ZNF626: variants seen among roughly 807,000 people sequenced by gnomAD.
ZNF626 encodes the protein CTC-513N18.7.
ZNF626 carries 4 observed loss-of-function variants against 11.7 expected under a neutral mutation model. The ratio of observed to expected loss-of-function variants is 0.34; its 90% CI spans 0.17 to 0.78. The LOEUF (loss-of-function observed/expected upper bound fraction) is 0.78. Among genes scored for constraint, ZNF626 ranks in the 30% least tolerant of loss-of-function variants. The pLI, the probability that ZNF626 is intolerant of heterozygous loss-of-function variation, is 0.57. For synonymous variants in ZNF626, 179 were observed against 198.6 expected (o/e 0.90, Z 0.83); for missense variants, 588 against 587.1 (o/e 1.00, Z -0.01).
intron 1 of ZNF626, among the ~76,000 whole-genome samples, chr19:20,654,204 GC>G (rs1599487537): frequency 6.6e-6 from 1 of 152,156 alleles, no homozygotes; most frequent in African/African-American, 2.4e-5. Context: ...ACTTTGGGAG[GC>G]CGAGGCAGGT....
At chr19:20,655,598 T>A (rs191255862) in intron 1 of ZNF626, among the ~76,000 whole-genome samples, 15 of 152,012 alleles carry the variant, frequency 9.9e-5, no homozygotes, top group Admixed American at 7.9e-4. Flanking sequence ...CAGAGAAAAA[T>A]ATCTACATAT....
At chr19:20,626,621 CACACA>C (rs1196286686) in intron 3 of ZNF626, among the ~76,000 whole-genome samples, 6 of 151,508 alleles carry the variant, frequency 4.0e-5, no homozygotes, top group East Asian at 2.0e-4. Context: ...GGGAGGCTGA[CACACA>C]ACACAAGAAT....
At chr19:20,625,769 C>A in intron 3 of ZNF626, 119 bp from the exon 4 acceptor site, 5 of 1,046,698 alleles carry the variant, frequency 4.8e-6, no homozygotes, top group African/African-American at 1.7e-5. Context: ...CAGGAAAATA[C>A]CACAAGCTGT....
Position 20,622,898 on chromosome 19 carries a change from TAG to T in ZNF626, c.*1390_*1391del, listed in dbSNP as rs1969773802. On this transcript the variant is annotated 3_prime_UTR_variant, in exon 4 of 4. Coordinates refer to ENST00000601440, the MANE Select transcript of ZNF626 (RefSeq NM_001076675.3). ...ATAAACTCTGCTGTTTTCTAAGCTGTAGTTTTTTTTTTTTAAAGTGTTTCCAA... is the reference window on the plus strand; with the variant it reads ...ATAAACTCTGCTGTTTTCTAAGCTGTTTTTTTTTTTTTAAAGTGTTTCCAA... 2 of 151,302 alleles carry T rather than the reference TAG, an allele frequency of 1.3e-5. No homozygotes were observed. The highest frequency in any genetic ancestry group is 1.3e-4 in the Admixed American group (2 of 15,218). The allele number at this position is 151,302 out of a possible 1,614,324, so 9.4% of individuals were successfully genotyped here.
At chr19:20,661,295 G>C (rs886107625) in intron 1 of ZNF626, 149 bp downstream of exon 1, 4 of 1,098,448 alleles carry the variant, frequency 3.6e-6, no homozygotes, top group South Asian at 1.4e-5. Flanking sequence ...TTTTATGGCT[G>C]AACAGGACTG....
At chr19:20,659,406 AT>A in intron 1 of ZNF626, among the ~76,000 whole-genome samples, 1 of 152,002 alleles carries the variant, frequency 6.6e-6, no homozygotes, top group Non-Finnish European at 1.5e-5. Flanking sequence ...CTACCAGCTA[AT>A]TTTTGTATTT....
chr19:20,653,650 A>G (rs199513412), intron 1 of ZNF626, among the ~76,000 whole-genome samples: 1 of 91,134 alleles, frequency 1.1e-5, no homozygotes, highest in East Asian at 3.6e-4. Context: ...GCAAAAAAAA[A>G]AAGAAAAAGA....
intron 1 of ZNF626, among the ~76,000 whole-genome samples, chr19:20,657,449 TA>T (rs1230426112): frequency 1.3e-5 from 2 of 150,264 alleles, no homozygotes; most frequent in African/African-American, 4.9e-5. Context: ...CTGTGGCCAT[TA>T]AAAAAAAATG....
chr19:20,647,730 C>A (rs1453436906), intron 1 of ZNF626, among the ~76,000 whole-genome samples: 4 of 152,020 alleles, frequency 2.6e-5, no homozygotes, highest in African/African-American at 9.7e-5. Context: ...TCGTGATCCA[C>A]CCACCTCGGC....
At chr19:20,659,977 A>C (rs1326118124) in intron 1 of ZNF626, among the ~76,000 whole-genome samples, 1 of 151,760 alleles carries the variant, frequency 6.6e-6, no homozygotes, top group Non-Finnish European at 1.5e-5. Context: ...GCCTTTAATA[A>C]CCTCCTGTTG....
At chr19:20,660,728 G>C (rs1970257319) in intron 1 of ZNF626, among the ~76,000 whole-genome samples, 1 of 151,858 alleles carries the variant, frequency 6.6e-6, no homozygotes, top group South Asian at 2.1e-4. Context: ...GCAAGAAAGG[G>C]GTTTTGAACC....
intron 1 of ZNF626, among the ~76,000 whole-genome samples, chr19:20,652,688 T>C (rs1409325110): frequency 6.6e-6 from 1 of 152,162 alleles, no homozygotes; most frequent in Non-Finnish European, 1.5e-5. Context: ...TTTTAACGTC[T>C]CTGAGTTTGA....
chr19:20,643,618 T>C (rs1181323651), intron 3 of ZNF626, among the ~76,000 whole-genome samples: 5 of 152,154 alleles, frequency 3.3e-5, no homozygotes, highest in Admixed American at 2.0e-4. Context: ...ATCAGTAAGA[T>C]GAAAATAATA....
Position 20,621,843 on chromosome 19 carries a change from G to C in ZNF626, c.*2447C>G, listed in dbSNP as rs536812153. On this transcript the variant is annotated 3_prime_UTR_variant, in exon 4 of 4. Transcript: ENST00000601440. ...AAGGCCGGATAGGTTAAAGTTAGTG[G>C]CATAATAATGCTTCATTAAATGCAC... The C allele has an allele frequency of 1.4e-4, 22 of 152,042 alleles. No individual in the cohort carries two copies. The highest frequency in any genetic ancestry group is 2.6e-4 in the Admixed American group (4 of 15,240). 9.4% of individuals were successfully genotyped at this position (152,042 alleles called of 1,614,324 possible). A position where few individuals can be genotyped will look rare whatever the true frequency, so the allele number is the denominator to read the frequency against.
chr19:20,658,111 A>T (rs1970224843), intron 1 of ZNF626, among the ~76,000 whole-genome samples: 1 of 151,768 alleles, frequency 6.6e-6, no homozygotes, highest in Admixed American at 6.5e-5. Flanking sequence ...AGCTAAAAAA[A>T]GAAAAAAAAA....
intron 1 of ZNF626, among the ~76,000 whole-genome samples, chr19:20,660,872 A>AG (rs1341436548): frequency 2.6e-5 from 4 of 152,316 alleles, no homozygotes; most frequent in African/African-American, 9.6e-5. Flanking sequence ...GAAAAGGAAA[A>AG]GGGGGTAGAA....
chr19:20,637,144 T>C (rs116864968), intron 3 of ZNF626, among the ~76,000 whole-genome samples: 1,680 of 152,090 alleles, frequency 0.011, 16 homozygotes, highest in Non-Finnish European at 0.018. Flanking sequence ...GAAATGATTA[T>C]TCATAAAACC....
rs7251637 is a variant in ZNF626 at position 20,621,374 on chromosome 19, G to A, written c.*2916C>T. On this transcript the variant is annotated 3_prime_UTR_variant, in exon 4 of 4. Coordinates refer to ENST00000601440, the MANE Select transcript of ZNF626 (RefSeq NM_001076675.3). Reference sequence around the variant, plus strand: ...CTGACCTCATGATCTGCCCGACGTCGCCTACCAAAGTGCTGGGATTACAGG... The same window carrying A: ...CTGACCTCATGATCTGCCCGACGTCACCTACCAAAGTGCTGGGATTACAGG... The A allele has an allele frequency of 0.79, 120,828 of 152,098 alleles. 48,924 individuals carry two copies. Among genetic ancestry groups the A allele is most frequent in the Admixed American group, 0.87 (13,326 of 15,298 alleles). 9.4% of individuals were successfully genotyped at this position (152,098 alleles called of 1,614,324 possible).
intron 3 of ZNF626, among the ~76,000 whole-genome samples, chr19:20,632,339 T>C (rs1969915420): frequency 6.6e-6 from 1 of 152,212 alleles, no homozygotes; most frequent in Admixed American, 6.5e-5. Flanking sequence ...TGGTCTGCCT[T>C]GCTAGATTGG....
Sources: allele counts gnomAD v4.1 joint callset (sites outside exome capture counted in the v4.1 genomes callset), GRCh38; gene constraint gnomAD v4.1.1; transcripts MANE v1.5; gene names NCBI Gene and HGNC (gene_info 2026-07-23, HGNC 2026-07-21).